MRTFB: variants seen among roughly 807,000 people sequenced by gnomAD.
The protein encoded by MRTFB is myocardin-related transcription factor B.
A neutral mutation model predicts 104.2 loss-of-function variants in MRTFB; 29 were observed. The observed-to-expected ratio is 0.28, with a 90% CI of 0.21 to 0.38. MRTFB has a LOEUF of 0.38. MRTFB is among the 10% of genes least tolerant of loss of function. The pLI, the probability that MRTFB is intolerant of heterozygous loss-of-function variation, is 1.00. For missense variants in MRTFB, 1,270 were observed against 1,341.6 expected, an observed-to-expected ratio of 0.95 and a Z score of 0.83; for synonymous variants, 535 against 519.5, an observed-to-expected ratio of 1.03 and a Z score of -0.41.
At chr16:14,252,112 A>G in intron 14 of MRTFB, 89 bp downstream of exon 14, 1 of 1,406,388 alleles carries the variant, frequency 7.1e-7, no homozygotes, top group South Asian at 1.3e-5. Context: ...GGAGTGACTA[A>G]TGTTAATGGG....
the MRTFB span, among the ~76,000 whole-genome samples, chr16:14,017,242 G>A: frequency 6.6e-6 from 1 of 151,792 alleles, no homozygotes; most frequent in African/African-American, 2.4e-5. Flanking sequence ...ATTTTTAATA[G>A]AGACGGGGTT....
chr16:14,260,773 C>T (rs1041350483), intron 16 of MRTFB, 136 bp from the exon 17 acceptor site: 2 of 688,452 alleles, frequency 2.9e-6, no homozygotes, highest in African/African-American at 3.6e-5. Flanking sequence ...TGACCAATAG[C>T]ATTCTCTTCC....
chr16:14,169,875 C>G (rs2039366374), intron 3 of MRTFB, among the ~76,000 whole-genome samples: 2 of 151,948 alleles, frequency 1.3e-5, no homozygotes, highest in Admixed American at 6.6e-5. Context: ...AATAAATAAA[C>G]AAAAATTTTT....
chr16:14,111,292 T>C (rs1397996575), intron 2 of MRTFB, among the ~76,000 whole-genome samples: 2 of 152,162 alleles, frequency 1.3e-5, no homozygotes, highest in African/African-American at 4.8e-5. Flanking sequence ...ATGTTAAACA[T>C]GCAGAGATTT....
intron 6 of MRTFB, among the ~76,000 whole-genome samples, chr16:14,216,183 T>C (rs1456195099): frequency 6.6e-6 from 1 of 152,200 alleles, no homozygotes; most frequent in Non-Finnish European, 1.5e-5. Context: ...CTCCTAGCCA[T>C]GTGCTTTCAG....
At chr16:14,172,652 AAT>A (rs1233041183) in intron 3 of MRTFB, among the ~76,000 whole-genome samples, 1 of 152,150 alleles carries the variant, frequency 6.6e-6, no homozygotes, top group Non-Finnish European at 1.5e-5. Flanking sequence ...ACTGTAAGAG[AAT>A]GTTTATTCCT....
intron 3 of MRTFB, among the ~76,000 whole-genome samples, chr16:14,204,545 A>C (rs552046647): frequency 6.6e-6 from 1 of 152,302 alleles, no homozygotes; most frequent in East Asian, 1.9e-4. Flanking sequence ...TTTCTTGCAT[A>C]AAAGTAGAGC....
Position 14,084,341 on chromosome 16 carries a change from T to A in MRTFB, c.-64+4987T>A, listed in dbSNP as rs570319752. Among the ~76,000 whole-genome samples, 4 of 152,212 alleles carry A rather than the reference T, an allele frequency of 2.6e-5. No individual in the cohort carries two copies. The East Asian group carries it at 7.7e-4, about 29-fold the overall frequency. On this transcript the variant is annotated intron_variant, in intron 2 of 16. Coordinates refer to ENST00000571589, the MANE Select transcript of MRTFB (RefSeq NM_001308142.2). ...CTGCTTGAGCTCAGGAGTTCAAGAC[T>A]GGCCTGCACAATAACATAGTGAAAT...
chr16:14,201,442 G>A (rs2040699658), intron 3 of MRTFB, among the ~76,000 whole-genome samples: 1 of 152,196 alleles, frequency 6.6e-6, no homozygotes, highest in African/African-American at 2.4e-5. Flanking sequence ...TTTGGCTTCT[G>A]TGTAAGTTAG....
At chr16:14,155,648 T>A (rs1419793006) in intron 3 of MRTFB, among the ~76,000 whole-genome samples, 2 of 152,218 alleles carry the variant, frequency 1.3e-5, no homozygotes, top group Admixed American at 1.3e-4. Flanking sequence ...AGGAAAGATC[T>A]AGGGTAGCAT....
chr16:14,064,291 G>T, the MRTFB span, among the ~76,000 whole-genome samples: 2 of 152,076 alleles, frequency 1.3e-5, no homozygotes, highest in African/African-American at 4.8e-5. Context: ...AAAAGTGTCT[G>T]TTCATGTCCA....
chr16:14,033,733 A>T, the MRTFB span, among the ~76,000 whole-genome samples: 1 of 150,122 alleles, frequency 6.7e-6, no homozygotes, highest in Admixed American at 6.7e-5. Flanking sequence ...GTTACTTGGG[A>T]GTCTGAGGCA....
the MRTFB span, among the ~76,000 whole-genome samples, chr16:14,018,393 A>G: frequency 6.6e-6 from 1 of 152,186 alleles, no homozygotes; most frequent in African/African-American, 2.4e-5. Flanking sequence ...TATTAAATAC[A>G]CACGTGTTCA....
intron 3 of MRTFB, among the ~76,000 whole-genome samples, chr16:14,162,784 G>GTT (rs925646958): frequency 2.0e-5 from 3 of 152,222 alleles, no homozygotes; most frequent in African/African-American, 7.2e-5. Context: ...TGTGGAAAAT[G>GTT]TTTGGTTTCC....
At chr16:14,007,581 A>T in the MRTFB span, among the ~76,000 whole-genome samples, 7 of 152,312 alleles carry the variant, frequency 4.6e-5, no homozygotes, top group African/African-American at 1.7e-4. Context: ...TCTCTTCTAT[A>T]TACCTACGAG....
the MRTFB span, among the ~76,000 whole-genome samples, chr16:14,022,020 A>C: frequency 6.6e-6 from 1 of 151,984 alleles, no homozygotes; most frequent in East Asian, 1.9e-4. Flanking sequence ...CATACCTCTG[A>C]CTCCAGCCAG....
In MRTFB at chr16:14,107,600, C is replaced by T. The variant is rs541198929; in HGVS notation, c.-64+28246C>T. On this transcript the variant is annotated intron_variant, in intron 2 of 16. Coordinates refer to ENST00000571589, the MANE Select transcript of MRTFB (RefSeq NM_001308142.2). ...ACAGACTTCATTTTGGTCTCTAGGA[C>T]ACTCTCCAACAAATAGTTCAAGAAC... Among the ~76,000 whole-genome samples the T allele has an allele frequency of 3.3e-5, 5 of 152,266 alleles. No individual in the cohort carries two copies. In the South Asian group the frequency reaches 1.0e-3, roughly 32 times the overall value.
intron 2 of MRTFB, among the ~76,000 whole-genome samples, chr16:14,099,307 T>C (rs1013229333): frequency 1.3e-5 from 2 of 152,022 alleles, no homozygotes; most frequent in Non-Finnish European, 2.9e-5. Flanking sequence ...ATTCTAAATA[T>C]TTTGTATTTT....
chr16:14,228,639 A>G (rs1410821499), intron 8 of MRTFB, among the ~76,000 whole-genome samples: 3 of 152,206 alleles, frequency 2.0e-5, no homozygotes, highest in South Asian at 4.1e-4. Context: ...TCATAGCAGC[A>G]TTATTCACAA....
Sources: allele counts gnomAD v4.1 joint callset (sites outside exome capture counted in the v4.1 genomes callset), GRCh38; gene constraint gnomAD v4.1.1; transcripts MANE v1.5; gene names NCBI Gene and HGNC (gene_info 2026-07-23, HGNC 2026-07-21).